GRAMD2B: variants seen among roughly 807,000 people sequenced by gnomAD.
The protein encoded by GRAMD2B is GRAM domain containing 2B.
Under a neutral mutation model 59.2 loss-of-function variants are expected in GRAMD2B, and 41 were observed. That is an observed-to-expected ratio of 0.69 (90% CI 0.54 to 0.90). The LOEUF (loss-of-function observed/expected upper bound fraction) is 0.90. Among genes scored for constraint, GRAMD2B ranks in the 40% least tolerant of loss-of-function variants. GRAMD2B has a pLI of 0.00. For synonymous variants in GRAMD2B, 161 were observed against 182.7 expected (o/e 0.88, Z 0.96); for missense variants, 424 against 500.5 (o/e 0.85, Z 1.46).
At position 126,423,423 on chromosome 5, in the gene GRAMD2B, C is replaced by A. The variant is rs1759979848; in HGVS notation, c.-184C>A. On this transcript the variant is annotated 5_prime_UTR_variant, in exon 1 of 14. Coordinates refer to ENST00000285689, the MANE Select transcript of GRAMD2B (RefSeq NM_023927.4). ...TGGGTCGGACCAATCGCGCCCGCTC[C>A]GACGTGTCCAGGTCCGCGGCCCCGG... The A allele has an allele frequency of 2.2e-6, 3 of 1,382,958 alleles. No individual in the cohort carries two copies. The highest frequency in any genetic ancestry group is 2.8e-6 in the Non-Finnish European group (3 of 1,073,072). The allele number at this position is 1,382,958 out of a possible 1,614,324, so 85.7% of individuals were successfully genotyped here. A position where few individuals can be genotyped will look rare whatever the true frequency, so the allele number is the denominator to read the frequency against.
chr5:126,491,612 T>C (rs1246102062), intron 13 of GRAMD2B, among the ~76,000 whole-genome samples: 1 of 152,196 alleles, frequency 6.6e-6, no homozygotes, highest in African/African-American at 2.4e-5. Flanking sequence ...AGAACACCCA[T>C]AGGACATCAC....
At chr5:126,388,489 A>G (rs1231909471) in intron 1 of GRAMD2B, among the ~76,000 whole-genome samples, 1 of 152,120 alleles carries the variant, frequency 6.6e-6, no homozygotes, top group Non-Finnish European at 1.5e-5. Context: ...ATTTACTAAC[A>G]TGTAGTTTAA....
chr5:126,384,503 T>G (rs1755940843), intron 1 of GRAMD2B, among the ~76,000 whole-genome samples: 1 of 152,206 alleles, frequency 6.6e-6, no homozygotes, highest in African/African-American at 2.4e-5. Flanking sequence ...AATAGCCCCA[T>G]AAGGGCAGGG....
At chr5:126,410,210 T>G (rs1485415091) in intron 1 of GRAMD2B, among the ~76,000 whole-genome samples, 1 of 152,082 alleles carries the variant, frequency 6.6e-6, no homozygotes, top group Non-Finnish European at 1.5e-5. Flanking sequence ...AAGTAGTTTT[T>G]TCCAATTCTG....
chr5:126,433,169 A>G (rs1207147035), intron 1 of GRAMD2B, among the ~76,000 whole-genome samples: 1 of 152,250 alleles, frequency 6.6e-6, no homozygotes, highest in African/African-American at 2.4e-5. Context: ...GACAAGATGA[A>G]GTAATATCAT....
chr5:126,474,083 T>TC (rs1291395968), intron 5 of GRAMD2B, among the ~76,000 whole-genome samples: 1 of 152,184 alleles, frequency 6.6e-6, no homozygotes, highest in Non-Finnish European at 1.5e-5. Context: ...GATAATTCTA[T>TC]CCCACTGACA....
chr5:126,367,482 A>T (rs1367727020), upstream of GRAMD2B, among the ~76,000 whole-genome samples: 1 of 143,190 alleles, frequency 7.0e-6, no homozygotes, highest in African/African-American at 2.6e-5. Flanking sequence ...AGTAGAGGAA[A>T]AGGAGGGAGA....
At chr5:126,373,353 A>T (rs1754922652) in intron 1 of GRAMD2B, among the ~76,000 whole-genome samples, 1 of 152,230 alleles carries the variant, frequency 6.6e-6, no homozygotes, top group Non-Finnish European at 1.5e-5. Flanking sequence ...CTAAATAAGT[A>T]TTGAGAATTT....
intron 1 of GRAMD2B, among the ~76,000 whole-genome samples, chr5:126,360,721 AG>A (rs1471867038): frequency 6.6e-6 from 1 of 152,188 alleles, no homozygotes; most frequent in Non-Finnish European, 1.5e-5. Flanking sequence ...TGGAAGTTTG[AG>A]GTTTGTCATG....
At chr5:126,396,677 C>T (rs538792808) in intron 1 of GRAMD2B, among the ~76,000 whole-genome samples, 1 of 152,134 alleles carries the variant, frequency 6.6e-6, no homozygotes, top group South Asian at 2.1e-4. Flanking sequence ...AATTTATATT[C>T]CTTTTGGTAT....
rs190396669 is a variant in GRAMD2B, at chr5:126,415,990, G to A, written c.125+44423G>A. ...ATTGCATTGTCAAAACATTTCACAC[G>A]AAGAAAAAGAACATGCCAATCATGG... On this transcript the variant is annotated intron_variant, in intron 1 of 8. Coordinates refer to the GRAMD2B transcript ENST00000506445. 2.3e-4 allele frequency among the ~76,000 whole-genome samples: 35 copies of A among 152,222 alleles called. No individual in the cohort carries two copies. In the East Asian group the frequency reaches 4.6e-3, roughly 20 times the overall value.
chr5:126,450,962 T>C (rs1354435464), intron 1 of GRAMD2B, among the ~76,000 whole-genome samples: 1 of 152,166 alleles, frequency 6.6e-6, no homozygotes, highest in Non-Finnish European at 1.5e-5. Context: ...AAATATGGGG[T>C]TGTGCCCCCA....
At chr5:126,437,642 G>T (rs935475737) in intron 1 of GRAMD2B, among the ~76,000 whole-genome samples, 1 of 152,006 alleles carries the variant, frequency 6.6e-6, no homozygotes, top group African/African-American at 2.4e-5. Context: ...TAAACAGAAC[G>T]GCAGAGAATA....
intron 1 of GRAMD2B, among the ~76,000 whole-genome samples, chr5:126,390,986 C>T (rs894166852): frequency 1.5e-4 from 23 of 152,240 alleles, no homozygotes; most frequent in African/African-American, 5.5e-4. Flanking sequence ...ACTCCTCCCA[C>T]CTTTAATTTC....
chr5:126,409,235 T>C (rs1393642166), intron 1 of GRAMD2B, among the ~76,000 whole-genome samples: 4 of 152,212 alleles, frequency 2.6e-5, no homozygotes, highest in Non-Finnish European at 4.4e-5. Flanking sequence ...ATAGTATTTC[T>C]AGTTCTAGAT....
chr5:126,407,471 C>T (rs1758362251), intron 1 of GRAMD2B, among the ~76,000 whole-genome samples: 1 of 151,890 alleles, frequency 6.6e-6, no homozygotes, highest in Non-Finnish European at 1.5e-5. Flanking sequence ...CTAGAGCGTT[C>T]GGGGTGGCAA....
chr5:126,482,616 T>C (rs973444208), intron 8 of GRAMD2B, among the ~76,000 whole-genome samples: 2 of 152,372 alleles, frequency 1.3e-5, no homozygotes, highest in African/African-American at 2.4e-5. Flanking sequence ...AATCATTACA[T>C]TGAAGAAATT....
intron 6 of GRAMD2B, among the ~76,000 whole-genome samples, chr5:126,479,088 GGGAGT>G (rs890516544): frequency 6.6e-6 from 1 of 152,170 alleles, no homozygotes; most frequent in African/African-American, 2.4e-5. Flanking sequence ...GCAAGAAAGA[GGGAGT>G]GGAGTGGTCT....
intron 1 of GRAMD2B, among the ~76,000 whole-genome samples, chr5:126,406,528 G>T (rs1182731958): frequency 6.6e-6 from 1 of 151,612 alleles, no homozygotes; most frequent in African/African-American, 2.4e-5. Context: ...CCCCTTCTCA[G>T]TCTACAGCCC....
Sources: allele counts gnomAD v4.1 joint callset (sites outside exome capture counted in the v4.1 genomes callset), GRCh38; gene constraint gnomAD v4.1.1; transcripts MANE v1.5; gene names NCBI Gene and HGNC (gene_info 2026-07-23, HGNC 2026-07-21).